The following NAALADL2 variants were observed in gnomAD, a reference collection of about 807,000 sequenced individuals.
NAALADL2 encodes the protein N-acetylated alpha-linked acidic dipeptidase like 2.
A neutral mutation model predicts 87.2 loss-of-function variants in NAALADL2; 76 were observed. The observed-to-expected ratio is 0.87, with a 90% CI of 0.72 to 1.05. The LOEUF is 1.05. Among genes scored for constraint, NAALADL2 ranks in the 50% least tolerant of loss-of-function variants. The pLI is 0.00. For missense variants in NAALADL2, 1,089 were observed against 945.8 expected (o/e 1.15, Z -1.99); for synonymous variants, 354 against 331.0 (o/e 1.07, Z -0.75).
intron 9 of NAALADL2, among the ~76,000 whole-genome samples, chr3:175,510,678 GAA>G (rs1731033229): frequency 6.6e-6 from 1 of 152,136 alleles, no homozygotes. Flanking sequence ...AGAAGTTAAA[GAA>G]CTTATTCAAG....
Position 174,616,687 on chromosome 3 carries a change from A to G in NAALADL2, c.-115+66050A>G, listed in dbSNP as rs1290773160. Among the ~76,000 whole-genome samples, 3 of 151,902 alleles carry G rather than the reference A, an allele frequency of 2.0e-5. No homozygotes were observed. In the East Asian group the frequency reaches 5.8e-4, roughly 29 times the overall value. On this transcript the variant is annotated intron_variant, in intron 2 of 3. Transcript: ENST00000434257. ...ACTGTATGTCTATTTGGGAACAGCT[A>G]AAAAAACTTGATACTAGTATAGCTT...
At chr3:175,723,965 C>T (rs2150042229) in intron 11 of NAALADL2, among the ~76,000 whole-genome samples, 1 of 152,148 alleles carries the variant, frequency 6.6e-6, no homozygotes, top group South Asian at 2.1e-4. Context: ...CAGTGTTCTC[C>T]TATTAACCTT....
At chr3:175,092,100 G>A (rs1264627457) in intron 1 of NAALADL2, among the ~76,000 whole-genome samples, 1 of 151,632 alleles carries the variant, frequency 6.6e-6, no homozygotes, top group Non-Finnish European at 1.5e-5. Context: ...TATGTTTTGA[G>A]CACATTAAAT....
intron 10 of NAALADL2, among the ~76,000 whole-genome samples, chr3:175,579,199 T>TTATCTATC (rs67378801): frequency 6.7e-6 from 1 of 150,220 alleles, no homozygotes; most frequent in African/African-American, 2.4e-5. Context: ...AGAATTACTA[T>TTATCTATC]TATCTATCTA....
intron 1 of NAALADL2, among the ~76,000 whole-genome samples, chr3:174,890,347 T>C (rs1453974423): frequency 1.3e-5 from 2 of 152,026 alleles, no homozygotes; most frequent in Non-Finnish European, 2.9e-5. Flanking sequence ...CTCTGGGAGA[T>C]AGCAAAATAA....
At chr3:174,525,601 A>G (rs1274158024) in intron 1 of NAALADL2, among the ~76,000 whole-genome samples, 2 of 152,184 alleles carry the variant, frequency 1.3e-5, no homozygotes, top group Admixed American at 1.3e-4. Flanking sequence ...ATTTTACAGT[A>G]AGATTTGGAG....
intron 2 of NAALADL2, among the ~76,000 whole-genome samples, chr3:174,667,384 C>A (rs1726058793): frequency 6.6e-6 from 1 of 151,936 alleles, no homozygotes; most frequent in African/African-American, 2.4e-5. Context: ...AGAAAGTGGG[C>A]ACTTTTAAAG....
intron 1 of NAALADL2, among the ~76,000 whole-genome samples, chr3:174,526,443 T>C (rs1290017797): frequency 5.9e-5 from 9 of 152,204 alleles, no homozygotes; most frequent in Admixed American, 5.2e-4. Flanking sequence ...ACCTACATTA[T>C]AAAGAATTGC....
intron 11 of NAALADL2, among the ~76,000 whole-genome samples, chr3:175,699,175 G>C (rs1738628980): frequency 6.6e-6 from 1 of 151,916 alleles, no homozygotes; most frequent in Non-Finnish European, 1.5e-5. Context: ...GCAAATTTTT[G>C]CTGGCAATAC....
chr3:175,397,130 A>G (rs1769901438), intron 5 of NAALADL2: 1 of 152,102 alleles, frequency 6.6e-6, no homozygotes, highest in African/African-American at 2.4e-5. Context: ...CAACAACAAC[A>G]ACAACAACAC....
chr3:175,652,479 C>CTTTT (rs771774912), intron 11 of NAALADL2, among the ~76,000 whole-genome samples: 2 of 132,400 alleles, frequency 1.5e-5, no homozygotes, highest in Non-Finnish European at 3.2e-5. Flanking sequence ...TCTTTTCTTT[C>CTTTT]TTTTTTTTTT....
intron 13 of NAALADL2, among the ~76,000 whole-genome samples, chr3:175,769,284 CT>C: frequency 6.6e-6 from 1 of 152,174 alleles, no homozygotes; most frequent in African/African-American, 2.4e-5. Flanking sequence ...TGGGACTTTA[CT>C]TTCTATTGGG....
chr3:175,351,470 T>G (rs922949538), intron 5 of NAALADL2, among the ~76,000 whole-genome samples: 1 of 151,824 alleles, frequency 6.6e-6, no homozygotes, highest in Non-Finnish European at 1.5e-5. Flanking sequence ...CCAAATAATT[T>G]TTTTTTGCTC....
chr3:175,642,581 A>C (rs572951744), intron 11 of NAALADL2, among the ~76,000 whole-genome samples: 4 of 151,482 alleles, frequency 2.6e-5, no homozygotes, highest in African/African-American at 9.7e-5. Flanking sequence ...GCTCACTGCA[A>C]GCTCCACCTT....
rs144936997 is a variant in NAALADL2, at chr3:175,548,339, G to A, written c.1654-27702G>A. 2.6e-3 allele frequency among the ~76,000 whole-genome samples: 395 copies of A among 152,110 alleles called. 2 individuals carry two copies. Among genetic ancestry groups the A allele is most frequent in the African/African-American group, 8.9e-3 (369 of 41,508 alleles). Reference sequence around the variant, plus strand: ...ACCACATGTTCTCACTTATAACTAGGAGCTAAATTATGAGAACACATGGAC... The same window carrying A: ...ACCACATGTTCTCACTTATAACTAGAAGCTAAATTATGAGAACACATGGAC... On this transcript the variant is annotated intron_variant, in intron 9 of 13. Coordinates refer to ENST00000454872, the MANE Select transcript of NAALADL2 (RefSeq NM_207015.3).
intron 5 of NAALADL2, among the ~76,000 whole-genome samples, chr3:175,402,023 T>C (rs1770624617): frequency 6.6e-6 from 1 of 152,074 alleles, no homozygotes; most frequent in South Asian, 2.1e-4. Flanking sequence ...TTCAAATCTA[T>C]CTAACTTTCA....
chr3:174,618,442 G>A (rs1720690289), intron 2 of NAALADL2, among the ~76,000 whole-genome samples: 1 of 151,566 alleles, frequency 6.6e-6, no homozygotes, highest in Non-Finnish European at 1.5e-5. Flanking sequence ...GCTTAATTGA[G>A]TATTCTAAAC....
chr3:175,772,705 G>A (rs1749673618), intron 13 of NAALADL2, among the ~76,000 whole-genome samples: 1 of 152,148 alleles, frequency 6.6e-6, no homozygotes, highest in Admixed American at 6.6e-5. Flanking sequence ...CCGCTATTCA[G>A]AGGCCTGAGT....
At chr3:175,210,781 T>C (rs930910323) in intron 2 of NAALADL2, among the ~76,000 whole-genome samples, 10 of 151,758 alleles carry the variant, frequency 6.6e-5, no homozygotes, top group Admixed American at 6.6e-4. Context: ...AATCCAGTGC[T>C]CTATTTACCA....
Sources: gnomAD v4.1 joint callset for allele counts (sites outside exome capture counted in the v4.1 genomes callset) on GRCh38, gnomAD v4.1.1 for gene constraint, MANE v1.5 for transcripts, NCBI Gene and HGNC (gene_info 2026-07-23, HGNC 2026-07-21) for gene names.